Variants in UTP6 observed in about 807,000 individuals in gnomAD.
UTP6 encodes the protein UTP6 small subunit processome component.
UTP6 carries 60 observed loss-of-function variants against 96.5 expected under a neutral mutation model. The ratio of observed to expected loss-of-function variants is 0.62; its 90% CI spans 0.51 to 0.77. The LOEUF (loss-of-function observed/expected upper bound fraction) is 0.77, where lower values mean the gene tolerates loss of function less well. UTP6 is among the 30% of genes least tolerant of loss of function. The pLI is 0.00. For synonymous variants in UTP6, 215 were observed against 240.1 expected, an observed-to-expected ratio of 0.90 and a Z score of 0.96; for missense variants, 637 against 706.5, an observed-to-expected ratio of 0.90 and a Z score of 1.12.
At chr17:31,887,132 G>GAA in intron 8 of UTP6, 104 bp downstream of exon 8, 1 of 1,060,006 alleles carries the variant, frequency 9.4e-7, no homozygotes, top group Non-Finnish European at 1.4e-6. Flanking sequence ...CAAAAAAAAA[G>GAA]AAAAAAAAAG....
intron 8 of UTP6, 126 bp downstream of exon 8, chr17:31,887,110 G>A (rs950964490): frequency 7.2e-5 from 57 of 790,268 alleles, no homozygotes; most frequent in African/African-American, 3.7e-4. Flanking sequence ...GTGACAGACC[G>A]AGACTCCGTC....
chr17:31,896,017 G>GAA (rs549601729), intron 2 of UTP6, among the ~76,000 whole-genome samples: 6 of 123,966 alleles, frequency 4.8e-5, no homozygotes, highest in African/African-American at 8.4e-5. Flanking sequence ...TCTCAAAAAA[G>GAA]AAAAAAAAAA....
chr17:31,882,159 T>C (rs982168917), intron 10 of UTP6, among the ~76,000 whole-genome samples: 1 of 151,624 alleles, frequency 6.6e-6, no homozygotes, highest in Non-Finnish European at 1.5e-5. Context: ...GCCTCCGGAG[T>C]ACCTGGGATT....
intron 1 of UTP6, 100 bp from the exon 2 acceptor site, chr17:31,899,830 T>G (rs534171880): frequency 2.4e-6 from 2 of 843,146 alleles, no homozygotes; most frequent in South Asian, 2.1e-5. Context: ...AAATACGAAA[T>G]TCCTAGAGTT....
At chr17:31,892,923 AC>A in intron 4 of UTP6, 129 bp from the exon 5 acceptor site, 1 of 1,071,018 alleles carries the variant, frequency 9.3e-7, no homozygotes, top group African/African-American at 1.6e-5. Flanking sequence ...CTGTAATCCC[AC>A]CACTTTGTGA....
intron 16 of UTP6, among the ~76,000 whole-genome samples, chr17:31,872,828 G>A (rs1055493972): frequency 8.4e-5 from 12 of 142,754 alleles, no homozygotes; most frequent in Non-Finnish European, 1.4e-4. Flanking sequence ...TGATGAAACC[G>A]TCTCTACTAA....
chr17:31,871,230 G>C (rs1201829284), intron 16 of UTP6, among the ~76,000 whole-genome samples: 1 of 151,650 alleles, frequency 6.6e-6, no homozygotes, highest in Non-Finnish European at 1.5e-5. Flanking sequence ...CTGACCTTGT[G>C]ATCCGCCCGC....
chr17:31,872,153 C>G (rs901122731), intron 16 of UTP6, among the ~76,000 whole-genome samples: 3 of 150,004 alleles, frequency 2.0e-5, no homozygotes, highest in Non-Finnish European at 4.4e-5. Context: ...CGAGACTGTA[C>G]CACTGCACTC....
intron 16 of UTP6, chr17:31,873,068 T>C (rs1910281374): frequency 1.1e-5 from 3 of 264,206 alleles, no homozygotes; most frequent in Non-Finnish European, 2.2e-5. Flanking sequence ...CTGGCCAACA[T>C]GGTGAAACCT....
At chr17:31,875,980 C>CG (rs1279704925) in intron 13 of UTP6, among the ~76,000 whole-genome samples, 3 of 152,028 alleles carry the variant, frequency 2.0e-5, no homozygotes, top group African/African-American at 7.2e-5. Context: ...ACAGGGAAGA[C>CG]GTAAAAACCA....
rs1034818140 is a variant in UTP6 at position 31,899,746 on chromosome 17, T to C, written c.93-16A>G. On this transcript the variant is annotated splice_polypyrimidine_tract_variant and intron_variant, in intron 1 of 18. Transcript: ENST00000261708. ...AATGATAGCCCTGAGGAGAAAGCCA[T>C]TTAAACTTCACTTGAAAACTGCAAA... 6.6e-5 allele frequency: 102 copies of C among 1,534,494 alleles called. No homozygotes were observed. The highest frequency in any genetic ancestry group is 8.8e-5 in the Non-Finnish European group (100 of 1,140,470).
Position 31,887,250 on chromosome 17 carries a change from C to G in UTP6, c.607G>C (p.Ala203Pro). Residue 203 changes from alanine (A) to proline (P), a missense_variant, in exon 8 of 19, where the codon GCC becomes CCC. Ala to Pro is a conservative substitution (Grantham distance 27). Coordinates refer to ENST00000261708, the MANE Select transcript of UTP6 (RefSeq NM_018428.3). ...LRKEKEEFEK[A>P]SMDVENPDYS... Reference sequence around the variant, plus strand: ...TAGAACCTTACCACATCCATACTGGCTTTTTCAAATTCTTCCTTCTCCTTC... The same window carrying G: ...TAGAACCTTACCACATCCATACTGGGTTTTTCAAATTCTTCCTTCTCCTTC... 1 of 1,614,038 alleles carries G rather than the reference C, an allele frequency of 6.2e-7. No homozygotes were observed. The highest frequency in any genetic ancestry group is 8.5e-7 in the Non-Finnish European group (1 of 1,179,918).
chr17:31,880,441 AGGCC>A, intron 11 of UTP6, 128 bp downstream of exon 11: 19 of 1,033,566 alleles, frequency 1.8e-5, no homozygotes, highest in Middle Eastern at 2.5e-4. Context: ...AAAAAAAAAA[AGGCC>A]AGGCTCATCG....
intron 16 of UTP6, among the ~76,000 whole-genome samples, chr17:31,869,168 CTCTTT>C (rs748510006): frequency 8.5e-5 from 13 of 152,068 alleles, no homozygotes; most frequent in African/African-American, 2.9e-4. Context: ...ATACAGCTTT[CTCTTT>C]TATTTTTTCC....
At position 31,863,192 on chromosome 17, in the gene UTP6, A is replaced by C. The variant is rs146353822; in HGVS notation, c.*167T>G. 14 of 758,564 alleles carry C rather than the reference A, an allele frequency of 1.8e-5. 2 individuals are homozygous for C. The East Asian group carries it at 3.9e-4, about 21-fold the overall frequency. 47.0% of individuals were successfully genotyped at this position (758,564 alleles called of 1,614,324 possible). ...CCAGTCTCAATCATAAAAATTTTTTAATTTTTAAAAAGATTTAACAAGTTA... is the reference window on the plus strand; with the variant it reads ...CCAGTCTCAATCATAAAAATTTTTTCATTTTTAAAAAGATTTAACAAGTTA... On this transcript the variant is annotated 3_prime_UTR_variant, in exon 19 of 19. Coordinates refer to ENST00000261708, the MANE Select transcript of UTP6 (RefSeq NM_018428.3).
At chr17:31,877,966 CAAA>C (rs527445811) in intron 13 of UTP6, among the ~76,000 whole-genome samples, 3 of 52,258 alleles carry the variant, frequency 5.7e-5, no homozygotes, top group Admixed American at 2.2e-4. Flanking sequence ...AACTCCGTCT[CAAA>C]AAAAAAAAAA....
At chr17:31,885,207 C>T (rs547299379) in intron 9 of UTP6, among the ~76,000 whole-genome samples, 21 of 152,078 alleles carry the variant, frequency 1.4e-4, no homozygotes, top group African/African-American at 3.9e-4. Context: ...GTTGCCCAGG[C>T]GCTCTCAGCT....
At chr17:31,883,862 T>C (rs888981969) in intron 10 of UTP6, among the ~76,000 whole-genome samples, 1 of 118,540 alleles carries the variant, frequency 8.4e-6, no homozygotes, top group African/African-American at 3.0e-5. Context: ...AGAGACAGGG[T>C]TTCACCGTGT....
chr17:31,870,524 TTTGG>T (rs1910098168), intron 16 of UTP6, among the ~76,000 whole-genome samples: 1 of 151,406 alleles, frequency 6.6e-6, no homozygotes, highest in Non-Finnish European at 1.5e-5. Flanking sequence ...GGTTTTTTTT[TTTGG>T]TTTTTTTTTT....
Sources: gnomAD v4.1 joint callset for allele counts (sites outside exome capture counted in the v4.1 genomes callset) on GRCh38, gnomAD v4.1.1 for gene constraint, MANE v1.5 for transcripts, NCBI Gene and HGNC (gene_info 2026-07-23, HGNC 2026-07-21) for gene names.